The following PHF24 variants were observed in gnomAD, a reference collection of about 807,000 sequenced individuals.
PHF24 encodes the protein PHD finger protein 24, also known as Galpha inhibitory interacting protein.
PHF24 carries 25 observed loss-of-function variants against 42.6 expected under a neutral mutation model. That is an observed-to-expected ratio of 0.59 (90% confidence interval 0.43 to 0.82). The LOEUF is 0.82. Ranked by LOEUF, PHF24 falls within the 40% of genes least tolerant of loss-of-function variation. The pLI is 0.00. For synonymous variants in PHF24, 185 were observed against 204.8 expected, an observed-to-expected ratio of 0.90 and a Z score of 0.83; for missense variants, 470 against 538.1, an observed-to-expected ratio of 0.87 and a Z score of 1.25.
At chr9:34,960,998 C>A (rs1013165238) in intron 1 of PHF24, among the ~76,000 whole-genome samples, 1 of 152,168 alleles carries the variant, frequency 6.6e-6, no homozygotes, top group Non-Finnish European at 1.5e-5. Context: ...AACCTTTGAT[C>A]TTTCACATAT....
chr9:34,770,096 T>C, the PHF24 span, among the ~76,000 whole-genome samples: 1 of 152,170 alleles, frequency 6.6e-6, no homozygotes, highest in South Asian at 2.1e-4. Context: ...GTGTTTTGCA[T>C]AGTATAACAC....
At chr9:34,699,302 G>A in the PHF24 span, among the ~76,000 whole-genome samples, 2 of 152,194 alleles carry the variant, frequency 1.3e-5, no homozygotes, top group African/African-American at 2.4e-5. Context: ...GGCATTAGCT[G>A]GAAGAGACAG....
upstream of PHF24, among the ~76,000 whole-genome samples, chr9:34,953,950 C>G (rs1028353202): frequency 6.6e-6 from 1 of 152,086 alleles, no homozygotes; most frequent in African/African-American, 2.4e-5. The surrounding 1 kb of genome is among the most constrained non-coding windows in gnomAD (Gnocchi z 4.1). Flanking sequence ...AACAAACAAA[C>G]AACGACAACA....
the PHF24 span, chr9:34,917,778 T>G: frequency 1.0e-4 from 111 of 1,066,282 alleles, no homozygotes; most frequent in Non-Finnish European, 1.5e-4. Context: ...GCCTCCCCAG[T>G]GAGAATTTCA....
chr9:34,971,419 C>A, exon 2 of PHF24: 1 of 1,614,150 alleles, frequency 6.2e-7, no homozygotes, highest in Non-Finnish European at 8.5e-7. Context: ...AGGTGAGCTG[C>A]CAGGGTCCCG....
exon 2 of PHF24, chr9:34,971,580 C>G: frequency 1.2e-6 from 2 of 1,614,126 alleles, no homozygotes; most frequent in Non-Finnish European, 1.7e-6. Flanking sequence ...AGGAGTTTGA[C>G]AGGACAAGTC....
chr9:34,724,928 T>C, the PHF24 span: 5 of 1,551,256 alleles, frequency 3.2e-6, no homozygotes, highest in Non-Finnish European at 4.4e-6. Context: ...CTCCAGTTTC[T>C]CAATGGCTTC....
the PHF24 span, among the ~76,000 whole-genome samples, chr9:34,687,059 G>T: frequency 1.3e-5 from 2 of 151,936 alleles, no homozygotes; most frequent in African/African-American, 2.4e-5. Flanking sequence ...GGTATGGTTG[G>T]GGGGTGGGAA....
chr9:34,772,410 C>A, the PHF24 span, among the ~76,000 whole-genome samples: 1 of 152,024 alleles, frequency 6.6e-6, no homozygotes, highest in Non-Finnish European at 1.5e-5. Flanking sequence ...TGGAAACAAC[C>A]TACGTGACTG....
chr9:34,958,074 G>A (rs1826431886), upstream of PHF24, among the ~76,000 whole-genome samples: 1 of 149,708 alleles, frequency 6.7e-6, no homozygotes, highest in Admixed American at 6.6e-5. The surrounding 1 kb of genome is among the most constrained non-coding windows in gnomAD (Gnocchi z 4.5). Context: ...GCCCGTCGCC[G>A]GTCACCCGCC....
chr9:34,808,302 TA>T, the PHF24 span, among the ~76,000 whole-genome samples: 2 of 152,140 alleles, frequency 1.3e-5, no homozygotes, highest in African/African-American at 4.8e-5. Flanking sequence ...ATTTTGTGTC[TA>T]AAAGTGATAG....
the PHF24 span, among the ~76,000 whole-genome samples, chr9:34,929,153 A>G: frequency 6.6e-6 from 1 of 152,000 alleles, no homozygotes; most frequent in Non-Finnish European, 1.5e-5. Flanking sequence ...GAATATTTCT[A>G]TTGCATCATC....
the PHF24 span, among the ~76,000 whole-genome samples, chr9:34,771,954 G>A: frequency 1.3e-5 from 2 of 152,138 alleles, no homozygotes; most frequent in African/African-American, 4.8e-5. Context: ...AAGATTAAAA[G>A]CTGTGTTTTA....
the PHF24 span, among the ~76,000 whole-genome samples, chr9:34,890,094 C>G: frequency 1.3e-5 from 2 of 152,202 alleles, no homozygotes; most frequent in Admixed American, 1.3e-4. Context: ...CCTTGCTAGT[C>G]TCTGCTCAAG....
At chr9:34,672,587 G>A in the PHF24 span, among the ~76,000 whole-genome samples, 2 of 152,130 alleles carry the variant, frequency 1.3e-5, no homozygotes, top group Non-Finnish European at 2.9e-5. Context: ...CTGCAGGGTC[G>A]TGAGGTGTGG....
At chr9:34,726,628 T>C in the PHF24 span, 15 of 1,551,574 alleles carry the variant, frequency 9.7e-6, no homozygotes, top group Non-Finnish European at 1.1e-5. Context: ...ATTCCTGCCC[T>C]AGCTGGAGGT....
At chr9:34,684,536 TG>T in the PHF24 span, among the ~76,000 whole-genome samples, 1 of 152,040 alleles carries the variant, frequency 6.6e-6, no homozygotes, top group African/African-American at 2.4e-5. Flanking sequence ...TTGATAGTAA[TG>T]GGGGGACCTT....
the PHF24 span, among the ~76,000 whole-genome samples, chr9:34,838,882 G>A: frequency 0.34 from 51,180 of 152,056 alleles, 9,201 homozygotes; most frequent in East Asian, 0.66. Context: ...TGGTTAGGCC[G>A]GAGGAACCTC....
the PHF24 span, among the ~76,000 whole-genome samples, chr9:34,801,884 G>C: frequency 8.5e-6 from 1 of 117,252 alleles, no homozygotes; most frequent in Admixed American, 1.0e-4. Context: ...ACAGGGAGGG[G>C]AACAACAGAC....
Sources: allele counts gnomAD v4.1 joint callset (sites outside exome capture counted in the v4.1 genomes callset), GRCh38; gene constraint gnomAD v4.1.1; non-coding constraint Gnocchi (gnomAD v3.1); transcripts MANE v1.5; gene names NCBI Gene and HGNC (gene_info 2026-07-23, HGNC 2026-07-21).